SNW1: variants seen among roughly 807,000 people sequenced by gnomAD.
SNW1 encodes SNW domain-containing protein 1.
A neutral mutation model predicts 75.6 loss-of-function variants in SNW1; 9 were observed. The observed-to-expected ratio is 0.12, with a 90% CI of 0.07 to 0.21. SNW1 has a LOEUF of 0.21. SNW1 is among the 10% of genes least tolerant of loss of function. The pLI is 1.00. For missense variants in SNW1, 409 were observed against 670.9 expected (o/e 0.61, Z 4.31); for synonymous variants, 200 against 219.1 (o/e 0.91, Z 0.77).
chr14:77,725,851 G>T (rs2080580733), intron 10 of SNW1, among the ~76,000 whole-genome samples: 1 of 152,202 alleles, frequency 6.6e-6, no homozygotes, highest in Admixed American at 6.5e-5. Flanking sequence ...GAGAGGCGGA[G>T]GTTGCAGTGA....
chr14:77,724,231 G>C (rs1395595438), intron 10 of SNW1, among the ~76,000 whole-genome samples: 2 of 151,896 alleles, frequency 1.3e-5, no homozygotes, highest in Non-Finnish European at 2.9e-5. Flanking sequence ...CATATTTATG[G>C]GGTATATATA....
chr14:77,751,836 A>C lies in SNW1; in HGVS notation c.169-356T>G, dbSNP rs1431167578. On this transcript the variant is annotated intron_variant, in intron 2 of 13. Transcript: ENST00000261531. ...CACACACACACACACACACACACAC[A>C]CACACACACCACACACACACACACA... Among the ~76,000 whole-genome samples, 5 of 114,266 alleles carry C rather than the reference A, an allele frequency of 4.4e-5. No individual in the cohort carries two copies. In the East Asian group the frequency reaches 1.4e-3, roughly 31 times the overall value. The allele number at this position is 114,266 out of a possible 152,430, so 75.0% of individuals were successfully genotyped here.
intron 2 of SNW1, among the ~76,000 whole-genome samples, chr14:77,754,725 A>C (rs1371427535): frequency 6.6e-6 from 1 of 152,198 alleles, no homozygotes; most frequent in Non-Finnish European, 1.5e-5. Context: ...AATATTTAAT[A>C]GTTTGATATA....
chr14:77,725,909 T>C (rs1466782003), intron 10 of SNW1, among the ~76,000 whole-genome samples: 1 of 152,170 alleles, frequency 6.6e-6, no homozygotes, highest in Admixed American at 6.5e-5. Flanking sequence ...GAGTGAGACG[T>C]TGTCTCCAAA....
At chr14:77,758,949 A>C (rs1453923320) in intron 1 of SNW1, among the ~76,000 whole-genome samples, 1 of 152,238 alleles carries the variant, frequency 6.6e-6, no homozygotes, top group Non-Finnish European at 1.5e-5. Flanking sequence ...GCTCAGTCCC[A>C]CAAGACTGCC....
intron 8 of SNW1, among the ~76,000 whole-genome samples, chr14:77,733,391 T>G (rs1421453269): frequency 6.6e-6 from 1 of 152,144 alleles, no homozygotes; most frequent in Non-Finnish European, 1.5e-5. Context: ...TATAGGAAGT[T>G]AAATCTGCTG....
In SNW1 at chr14:77,717,703, G is replaced by A. The variant is rs2080499722; in HGVS notation, c.*385C>T. 2.8e-6 allele frequency: 2 copies of A among 714,002 alleles called. No individual in the cohort carries two copies. The highest frequency in any genetic ancestry group is 5.3e-5 in the Admixed American group (2 of 37,556). 44.2% of individuals were successfully genotyped at this position (714,002 alleles called of 1,614,324 possible). ...GCACAATAGGGGCAAAATTTATTTG[G>A]CAGGACAGTTCCAGTATGTGAACAT... On this transcript the variant is annotated 3_prime_UTR_variant, in exon 14 of 14. Coordinates refer to ENST00000261531, the MANE Select transcript of SNW1 (RefSeq NM_012245.3).
chr14:77,724,517 C>T (rs1249942571), intron 10 of SNW1, among the ~76,000 whole-genome samples: 1 of 152,246 alleles, frequency 6.6e-6, no homozygotes, highest in African/African-American at 2.4e-5. Flanking sequence ...CTGTCCCCAA[C>T]ATCCTTCCCA....
chr14:77,754,782 AGAT>A (rs2080831862), intron 2 of SNW1, among the ~76,000 whole-genome samples, 182 bp downstream of exon 2: 1 of 152,246 alleles, frequency 6.6e-6, no homozygotes, highest in Non-Finnish European at 1.5e-5. Flanking sequence ...AAGCAGTGAT[AGAT>A]AATAAGCAAA....
intron 2 of SNW1, among the ~76,000 whole-genome samples, chr14:77,752,943 G>T (rs1193055132): frequency 6.6e-6 from 1 of 152,088 alleles, no homozygotes; most frequent in Non-Finnish European, 1.5e-5. Flanking sequence ...TAAGATAAGT[G>T]CTTCCCGTAC....
intron 11 of SNW1, chr14:77,722,838 CTTTTTTTTTTTT>C (rs773466539): frequency 3.5e-6 from 1 of 286,680 alleles, no homozygotes; most frequent in Non-Finnish European, 6.2e-6. Flanking sequence ...TGGTACATAT[CTTTTTTTTTTTT>C]TTTTTTTTTT....
At chr14:77,718,570 T>C (rs1467212773) in intron 12 of SNW1, 40 bp from the exon 13 acceptor site, 5 of 1,354,380 alleles carry the variant, frequency 3.7e-6, no homozygotes, top group East Asian at 2.3e-5. Context: ...AGTGTAAACA[T>C]TGTTTATCAA....
At chr14:77,723,891 G>A (rs762772590) in intron 10 of SNW1, among the ~76,000 whole-genome samples, 9 of 152,030 alleles carry the variant, frequency 5.9e-5, no homozygotes, top group African/African-American at 1.9e-4. Flanking sequence ...GTGATCTGCC[G>A]CACCCAGCCA....
At chr14:77,734,490 A>G (rs2139907165) in intron 8 of SNW1, among the ~76,000 whole-genome samples, 1 of 152,356 alleles carries the variant, frequency 6.6e-6, no homozygotes, top group South Asian at 2.1e-4. Context: ...CTGCAATCTA[A>G]GCCCTTTGGG....
At chr14:77,734,719 AG>A (rs2139907567) in intron 8 of SNW1, among the ~76,000 whole-genome samples, 1 of 146,150 alleles carries the variant, frequency 6.8e-6, no homozygotes, top group South Asian at 2.3e-4. Flanking sequence ...GCCTAGTGAC[AG>A]AGCGAGACTC....
At chr14:77,758,497 C>CA (rs898741176) in intron 1 of SNW1, among the ~76,000 whole-genome samples, 6 of 152,184 alleles carry the variant, frequency 3.9e-5, no homozygotes, top group Admixed American at 2.0e-4. Flanking sequence ...TGTCTCTGCT[C>CA]AGTTACCTCT....
intron 8 of SNW1, 102 bp from the exon 9 acceptor site, chr14:77,732,703 C>A: frequency 1.4e-6 from 1 of 711,448 alleles, no homozygotes; most frequent in South Asian, 1.7e-5. Context: ...CTTGCTCTGT[C>A]ACCCTGGCTG....
intron 2 of SNW1, among the ~76,000 whole-genome samples, chr14:77,754,381 G>C (rs1030397540): frequency 2.0e-4 from 31 of 152,166 alleles, no homozygotes; most frequent in African/African-American, 7.2e-4. Context: ...GAGATAGAAA[G>C]AGCTATTCCA....
intron 6 of SNW1, 123 bp downstream of exon 6, chr14:77,736,848 G>A: frequency 1.4e-6 from 1 of 693,002 alleles, no homozygotes; most frequent in South Asian, 1.7e-5. Flanking sequence ...ATTTCCTGGA[G>A]TTTTAGATAA....
Sources: allele counts gnomAD v4.1 joint callset (sites outside exome capture counted in the v4.1 genomes callset), GRCh38; gene constraint gnomAD v4.1.1; transcripts MANE v1.5; gene names NCBI Gene and HGNC (gene_info 2026-07-23, HGNC 2026-07-21).